Variants in PCNX1 observed in about 807,000 individuals in gnomAD.
PCNX1 encodes the protein pecanex 1.
PCNX1 carries 78 observed loss-of-function variants against 242.2 expected under a neutral mutation model. The observed-to-expected ratio is 0.32, with a 90% CI of 0.27 to 0.39. The LOEUF is 0.39. Ranked by LOEUF, PCNX1 falls within the 10% of genes least tolerant of loss-of-function variation. PCNX1 has a pLI of 1.00. For missense variants in PCNX1, 2,581 were observed against 2,856.5 expected (o/e 0.90, Z 2.20); for synonymous variants, 1,024 against 1,032.9 (o/e 0.99, Z 0.17).
At chr14:71,108,290 T>C (rs2062678451) in intron 33 of PCNX1, among the ~76,000 whole-genome samples, 1 of 152,226 alleles carries the variant, frequency 6.6e-6, no homozygotes, top group African/African-American at 2.4e-5. Flanking sequence ...GTGAAACATA[T>C]TTTAGGATTT....
chr14:71,074,990 CTTTTTTTTTTTTT>C (rs900279128), intron 27 of PCNX1, among the ~76,000 whole-genome samples: 1 of 101,100 alleles, frequency 9.9e-6, no homozygotes, highest in Non-Finnish European at 2.0e-5. Flanking sequence ...CTTTTCTTCT[CTTTTTTTTTTTTT>C]TTTTTTTTTG....
chr14:71,024,354 C>T (rs1002356846), intron 13 of PCNX1, among the ~76,000 whole-genome samples: 3 of 152,036 alleles, frequency 2.0e-5, no homozygotes, highest in African/African-American at 4.8e-5. Flanking sequence ...AATAGAAAGT[C>T]CTTGATTATG....
intron 1 of PCNX1, among the ~76,000 whole-genome samples, chr14:70,922,970 T>G (rs1157544189): frequency 6.6e-6 from 1 of 152,176 alleles, no homozygotes; most frequent in Non-Finnish European, 1.5e-5. Context: ...AGTATCTGTT[T>G]CCTTTTGTTT....
At chr14:71,045,890 A>G (rs548384481) in intron 20 of PCNX1, among the ~76,000 whole-genome samples, 3 of 152,250 alleles carry the variant, frequency 2.0e-5, no homozygotes, top group African/African-American at 7.2e-5. Context: ...AAACCCTGAC[A>G]TTTCTTTCCT....
intron 8 of PCNX1, among the ~76,000 whole-genome samples, chr14:70,998,378 T>A (rs905283912): frequency 2.0e-5 from 3 of 152,126 alleles, no homozygotes; most frequent in African/African-American, 7.2e-5. Flanking sequence ...AAAAAGTACT[T>A]GTATCATCTG....
intron 30 of PCNX1, 80 bp downstream of exon 30, chr14:71,089,422 C>A: frequency 3.7e-6 from 4 of 1,067,492 alleles, no homozygotes; most frequent in African/African-American, 1.6e-5. Context: ...AGTCCATTCT[C>A]ACGCTGCTGT....
At chr14:71,020,074 T>C (rs1270651716) in intron 12 of PCNX1, among the ~76,000 whole-genome samples, 3 of 152,148 alleles carry the variant, frequency 2.0e-5, no homozygotes, top group Non-Finnish European at 1.5e-5. Context: ...AGGATGATGG[T>C]TTCCACCTTC....
At chr14:71,042,882 T>C (rs1330165256) in intron 19 of PCNX1, among the ~76,000 whole-genome samples, 1 of 152,178 alleles carries the variant, frequency 6.6e-6, no homozygotes, top group East Asian at 1.9e-4. Context: ...ATCATTTGTT[T>C]ATCTTCTTTA....
At position 71,111,538 on chromosome 14, in the gene PCNX1, G is replaced by A. The variant is rs2062753631; in HGVS notation, c.*1603G>A. The A allele has an allele frequency of 6.6e-6, 1 of 152,174 alleles. No homozygotes were observed. The highest frequency in any genetic ancestry group is 2.1e-4 in the South Asian group (1 of 4,830). 9.4% of individuals were successfully genotyped at this position (152,174 alleles called of 1,614,324 possible). A position where few individuals can be genotyped will look rare whatever the true frequency, so the allele number is the denominator to read the frequency against. ...TACCTAGTGGCTACTGTATTAGACA[G>A]TACAGATTTAAAGTATCTTTTGTTG... is the stretch of plus-strand genomic sequence containing the variant. On this transcript the variant is annotated 3_prime_UTR_variant, in exon 36 of 36. Coordinates refer to ENST00000304743, the MANE Select transcript of PCNX1 (RefSeq NM_014982.3).
chr14:70,995,802 C>T lies in PCNX1; in HGVS notation c.2506C>T (p.Pro836Ser). ...TAQVKVQSRP[P>S]SQAAVLSASA... ...CCAGGTCAAAGTCCAGTCCCGCCCC[C>T]CTTCCCAGGCTGCAGTGCTCAGTGC... Residue 836 changes from proline (P) to serine (S), a missense_variant, in exon 8 of 36, where the codon CCT becomes TCT. Around this residue, in one of 9 missense-constraint regions of PCNX1, gnomAD observed 1,204 missense variants for 1,216.7 expected, o/e 0.99. Transcript: ENST00000304743. 1.2e-6 allele frequency: 2 copies of T among 1,614,068 alleles called. No individual in the cohort carries two copies. The highest frequency in any genetic ancestry group is 1.7e-6 in the Non-Finnish European group (2 of 1,179,978).
intron 25 of PCNX1, 90 bp downstream of exon 25, chr14:71,055,652 C>A: frequency 1.5e-6 from 1 of 678,814 alleles, no homozygotes; most frequent in South Asian, 2.5e-5. Context: ...GTTGGGAATC[C>A]TCTATGAATC....
intron 3 of PCNX1, 53 bp from the exon 4 acceptor site, chr14:70,968,145 A>G (rs1320464951): frequency 7.2e-6 from 9 of 1,248,748 alleles, no homozygotes; most frequent in Non-Finnish European, 1.1e-5. Flanking sequence ...TGTATTGATA[A>G]TGACATAGCT....
At chr14:70,985,153 A>T (rs1307226723) in intron 6 of PCNX1, among the ~76,000 whole-genome samples, 1 of 152,192 alleles carries the variant, frequency 6.6e-6, no homozygotes, top group African/African-American at 2.4e-5. Flanking sequence ...CATCAGTATA[A>T]CAAAAGGAAA....
intron 1 of PCNX1, among the ~76,000 whole-genome samples, chr14:70,929,435 T>G (rs2056709422): frequency 6.6e-6 from 1 of 152,212 alleles, no homozygotes; most frequent in Non-Finnish European, 1.5e-5. Context: ...GTTACTGTTT[T>G]TCATCCAGTT....
Position 71,015,623 on chromosome 14 carries a change from C to T in PCNX1, c.2996+2421C>T, listed in dbSNP as rs1417959286. 2.6e-5 allele frequency among the ~76,000 whole-genome samples: 4 copies of T among 152,242 alleles called. No homozygotes were observed. In the South Asian group the frequency reaches 8.3e-4, roughly 32 times the overall value. On this transcript the variant is annotated intron_variant, in intron 11 of 35. Coordinates refer to ENST00000304743, the MANE Select transcript of PCNX1 (RefSeq NM_014982.3). ...CCAGCCTTGGCAACCTAGTGAGACT[C>T]TGTCTCTACAAACATATTTTTAAAA...
chr14:70,996,042 T>C (rs56021283), intron 8 of PCNX1, 117 bp downstream of exon 8: 9 of 735,056 alleles, frequency 1.2e-5, no homozygotes, highest in Non-Finnish European at 1.9e-5. Flanking sequence ...TAGGAGCACT[T>C]TTTACATAGG....
At position 71,074,193 on chromosome 14, in the gene PCNX1, G is replaced by A. The variant is rs957805909; in HGVS notation, c.5106+395G>A. Among the ~76,000 whole-genome samples the A allele has an allele frequency of 3.9e-5, 6 of 152,358 alleles. 1 individual carries two copies. In the East Asian group the frequency reaches 1.2e-3, roughly 29 times the overall value. On this transcript the variant is annotated intron_variant, in intron 27 of 35. Coordinates refer to ENST00000304743, the MANE Select transcript of PCNX1 (RefSeq NM_014982.3). The stretch of plus-strand genomic sequence containing the variant: ...TGTCCAAGATCCTCTAACAAGTAGA[G>A]TTTGGGGCTTAAAAGCCAGGCTTGT...
At position 71,013,087 on chromosome 14, in the gene PCNX1, G is replaced by A. The variant is rs141079870; in HGVS notation, c.2881G>A (p.Gly961Ser). Residue 961 changes from glycine (G) to serine (S), a missense_variant, in exon 11 of 36, where the codon GGC (glycine) becomes AGC (serine). Gly to Ser is a moderately conservative substitution (Grantham distance 56, BLOSUM62 0). Around this residue, in one of 9 missense-constraint regions of PCNX1, gnomAD observed 1,204 missense variants for 1,216.7 expected, o/e 0.99. Transcript: ENST00000304743. The stretch of plus-strand genomic sequence containing the variant: ...AAGCCCTGACTTGGCAGCTACTTAC[G>A]GCCCAACAGAAGAAGCTGCCCAAAA... ...DLSPDLAATY[G>S]PTEEAAQKVK... 15 of 1,614,044 alleles carry A rather than the reference G, an allele frequency of 9.3e-6. No individual in the cohort carries two copies. Among genetic ancestry groups the A allele is most frequent in the Non-Finnish European group, 1.1e-5 (13 of 1,179,982 alleles).
intron 1 of PCNX1, among the ~76,000 whole-genome samples, chr14:70,942,488 G>T (rs1000610707): frequency 1.3e-5 from 2 of 151,762 alleles, no homozygotes; most frequent in Non-Finnish European, 2.9e-5. Flanking sequence ...ATGTGTGGGG[G>T]TGTCCCCACA....
Sources: gnomAD v4.1 joint callset for allele counts (sites outside exome capture counted in the v4.1 genomes callset) on GRCh38, gnomAD v4.1.1 for gene constraint, gnomAD v4.1.1 regional missense constraint, MANE v1.5 for transcripts, NCBI Gene and HGNC (gene_info 2026-07-23, HGNC 2026-07-21) for gene names.